Variants in PLCL1 observed in about 807,000 individuals in gnomAD.
PLCL1 encodes phospholipase C like 1 (inactive).
A neutral mutation model predicts 84.4 loss-of-function variants in PLCL1; 41 were observed. That is an observed-to-expected ratio of 0.49 (90% confidence interval 0.38 to 0.63). The LOEUF (loss-of-function observed/expected upper bound fraction) is 0.63. Among genes scored for constraint, PLCL1 ranks in the 30% least tolerant of loss-of-function variants. The probability of loss-of-function intolerance (pLI) is 0.00; values close to 1 mark genes in which losing one functional copy is unlikely to be tolerated. For synonymous variants in PLCL1, 490 were observed against 488.3 expected (o/e 1.00, Z -0.05); for missense variants, 1,206 against 1,367.8 (o/e 0.88, Z 1.87).
intron 1 of PLCL1, among the ~76,000 whole-genome samples, chr2:198,021,716 G>A (rs1001095118): frequency 3.3e-5 from 5 of 152,026 alleles, no homozygotes; most frequent in African/African-American, 4.8e-5. Context: ...TCCCTGAATA[G>A]ACCAATAACA....
chr2:197,953,713 A>G (rs1574966325), intron 1 of PLCL1, among the ~76,000 whole-genome samples: 1 of 152,022 alleles, frequency 6.6e-6, no homozygotes, highest in African/African-American at 2.4e-5. Flanking sequence ...TCAATTTTAG[A>G]AGCATCTGGA....
intron 1 of PLCL1, among the ~76,000 whole-genome samples, chr2:197,950,914 C>A (rs892532258): frequency 1.3e-4 from 20 of 152,060 alleles, no homozygotes; most frequent in Admixed American, 6.6e-4. Context: ...GAATTAGACA[C>A]CTAGAATAGC....
intron 1 of PLCL1, among the ~76,000 whole-genome samples, chr2:197,983,164 T>A (rs2105806380): frequency 6.7e-6 from 1 of 150,364 alleles, no homozygotes; most frequent in Admixed American, 6.6e-5. Flanking sequence ...TTTTCCTTTC[T>A]TTCTTTCTTT....
intron 1 of PLCL1, among the ~76,000 whole-genome samples, chr2:198,053,353 A>C (rs1433436716): frequency 3.9e-5 from 6 of 152,184 alleles, no homozygotes; most frequent in African/African-American, 1.4e-4. Context: ...GGAGATGGGC[A>C]GGCAAGCACA....
At chr2:198,065,741 C>T (rs1420474807) in intron 1 of PLCL1, among the ~76,000 whole-genome samples, 1 of 152,144 alleles carries the variant, frequency 6.6e-6, no homozygotes, top group East Asian at 1.9e-4. Context: ...GATTAAACTA[C>T]AGGAAAATAT....
At chr2:197,885,221 T>G (rs1276640292) in intron 1 of PLCL1, among the ~76,000 whole-genome samples, 1 of 152,228 alleles carries the variant, frequency 6.6e-6, no homozygotes, top group Non-Finnish European at 1.5e-5. Flanking sequence ...TAAGGAGATT[T>G]TATTATGGAG....
rs756538608 is a variant in PLCL1, at chr2:198,148,056, G to A, written c.*1094G>A. 6 of 152,204 alleles carry A rather than the reference G, an allele frequency of 3.9e-5. No homozygotes were observed. The highest frequency in any genetic ancestry group is 8.8e-5 in the Non-Finnish European group (6 of 67,986). The allele number at this position is 152,204 out of a possible 1,614,324, so 9.4% of individuals were successfully genotyped here. On this transcript the variant is annotated 3_prime_UTR_variant, in exon 6 of 6. Coordinates refer to ENST00000428675, the MANE Select transcript of PLCL1 (RefSeq NM_006226.4). ...ATATAACCCTAACACACACAGAAAAGCATACATGCAAAAAGAAATGACTAA... is the reference window on the plus strand; with the variant it reads ...ATATAACCCTAACACACACAGAAAAACATACATGCAAAAAGAAATGACTAA...
At chr2:198,066,150 C>T (rs1692315456) in intron 1 of PLCL1, among the ~76,000 whole-genome samples, 1 of 152,178 alleles carries the variant, frequency 6.6e-6, no homozygotes, top group Admixed American at 6.5e-5. Context: ...AAGGTCACTG[C>T]TAAGTACTCT....
intron 1 of PLCL1, among the ~76,000 whole-genome samples, chr2:197,921,882 T>C (rs1688704288): frequency 6.6e-6 from 1 of 152,196 alleles, no homozygotes. Flanking sequence ...ATTATCTTTA[T>C]ATTTAATGTT....
chr2:197,998,084 G>A (rs1371526171), intron 1 of PLCL1, among the ~76,000 whole-genome samples: 7 of 152,038 alleles, frequency 4.6e-5, no homozygotes, highest in East Asian at 1.9e-4. Flanking sequence ...GATATGGAGC[G>A]AGACAGAAAC....
intron 1 of PLCL1, among the ~76,000 whole-genome samples, chr2:197,821,840 G>A (rs1690823704): frequency 6.6e-6 from 1 of 152,114 alleles, no homozygotes; most frequent in African/African-American, 2.4e-5. Context: ...GTAAGTTTTT[G>A]TTAAGGTTAA....
At chr2:197,876,560 G>A (rs1365468529) in intron 1 of PLCL1, among the ~76,000 whole-genome samples, 2 of 152,042 alleles carry the variant, frequency 1.3e-5, no homozygotes, top group Non-Finnish European at 2.9e-5. Flanking sequence ...ACTCCTTGAA[G>A]ATAGGACATC....
At chr2:197,945,966 G>A (rs1027814304) in intron 1 of PLCL1, among the ~76,000 whole-genome samples, 2 of 152,060 alleles carry the variant, frequency 1.3e-5, no homozygotes, top group South Asian at 2.1e-4. Flanking sequence ...TAACTATTTT[G>A]TACCTTTGTC....
intron 1 of PLCL1, among the ~76,000 whole-genome samples, chr2:197,848,007 A>C (rs1248468055): frequency 3.9e-5 from 6 of 152,202 alleles, no homozygotes; most frequent in Admixed American, 2.6e-4. Context: ...AAAAAATAAA[A>C]CTATAATCAG....
intron 1 of PLCL1, among the ~76,000 whole-genome samples, chr2:197,922,676 G>A (rs1325370410): frequency 1.6e-5 from 2 of 122,736 alleles, no homozygotes; most frequent in African/African-American, 3.0e-5. Flanking sequence ...CCTCCCGGAC[G>A]GGGCGGCTGG....
At chr2:198,029,591 C>T (rs891720920) in intron 1 of PLCL1, among the ~76,000 whole-genome samples, 3 of 152,140 alleles carry the variant, frequency 2.0e-5, no homozygotes, top group Non-Finnish European at 4.4e-5. Flanking sequence ...CGCTTGGCAT[C>T]ACCAAATGGG....
chr2:198,114,849 A>G (rs1289209581), intron 5 of PLCL1, among the ~76,000 whole-genome samples: 1 of 151,762 alleles, frequency 6.6e-6, no homozygotes, highest in Non-Finnish European at 1.5e-5. Flanking sequence ...ATATATACAC[A>G]CATATATGGT....
chr2:197,996,660 T>G (rs2105817006), intron 1 of PLCL1, among the ~76,000 whole-genome samples: 1 of 152,082 alleles, frequency 6.6e-6, no homozygotes. Flanking sequence ...GCAGCTATAC[T>G]TCTGCAGAAT....
intron 1 of PLCL1, among the ~76,000 whole-genome samples, chr2:197,955,971 G>A (rs1689483475): frequency 6.7e-6 from 1 of 149,126 alleles, no homozygotes; most frequent in African/African-American, 2.5e-5. Context: ...CCCTCCCCTT[G>A]CCCCCCATCC....
Sources: gnomAD v4.1 joint callset for allele counts (sites outside exome capture counted in the v4.1 genomes callset) on GRCh38, gnomAD v4.1.1 for gene constraint, MANE v1.5 for transcripts, NCBI Gene and HGNC (gene_info 2026-07-23, HGNC 2026-07-21) for gene names.